Variants in TESPA1 observed in about 807,000 individuals in gnomAD.
The protein encoded by TESPA1 is thymocyte expressed, positive selection associated 1, also known as protein TESPA1.
A neutral mutation model predicts 57.9 loss-of-function variants in TESPA1; 33 were observed. That is an observed-to-expected ratio of 0.57 (90% CI 0.43 to 0.76). TESPA1 has a LOEUF of 0.76. Among genes scored for constraint, TESPA1 ranks in the 30% least tolerant of loss-of-function variants. TESPA1 has a pLI of 0.00. For missense variants in TESPA1, 618 were observed against 632.9 expected, an observed-to-expected ratio of 0.98 and a Z score of 0.25; for synonymous variants, 227 against 228.9, an observed-to-expected ratio of 0.99 and a Z score of 0.07.
At chr12:54,974,278 C>A (rs1046246407) in intron 2 of TESPA1, 122 bp downstream of exon 2, 15 of 810,102 alleles carry the variant, frequency 1.9e-5, no homozygotes, top group Non-Finnish European at 2.5e-5. Context: ...TTAAACCAGT[C>A]AAAACAGTCC....
rs761679056 is a variant in TESPA1 at position 54,973,467 on chromosome 12, C to A, written c.206+10G>T. 1 of 1,613,870 alleles carries A rather than the reference C, an allele frequency of 6.2e-7. No homozygotes were observed. Among genetic ancestry groups the A allele is most frequent in the Admixed American group, 1.7e-5 (1 of 60,002 alleles). ...GCCACATACCACCCCATTGCCTGTC[C>A]AGCACTTACCCGCAATCCTGCAGCC... On this transcript the variant is annotated intron_variant, in intron 3 of 10. Coordinates refer to ENST00000449076, the MANE Select transcript of TESPA1 (RefSeq NM_001136030.3).
rs1337724723 is a variant in TESPA1 at position 54,953,336 on chromosome 12, G to T, written c.*2-2946C>A. 2.6e-5 allele frequency among the ~76,000 whole-genome samples: 4 copies of T among 151,878 alleles called. No individual in the cohort carries two copies. The East Asian group carries it at 7.7e-4, about 29-fold the overall frequency. On this transcript the variant is annotated intron_variant, in intron 10 of 10. Coordinates refer to ENST00000449076, the MANE Select transcript of TESPA1 (RefSeq NM_001136030.3). ...CCAGCACATCCCCTTTCTCCCACTA[G>T]GCATAAGGTGTAGTTTCCATAAGAT...
In TESPA1 at chr12:54,950,144, A is replaced by T. The variant is rs1047039; in HGVS notation, c.*248T>A. 0.2 allele frequency: 77,364 copies of T among 394,136 alleles called. 13,645 individuals are homozygous for T. The highest frequency in any genetic ancestry group is 0.69 in the East Asian group (9,390 of 13,630). The allele number at this position is 394,136 out of a possible 1,614,324, so 24.4% of individuals were successfully genotyped here. On this transcript the variant is annotated 3_prime_UTR_variant, in exon 11 of 11. Coordinates refer to ENST00000449076, the MANE Select transcript of TESPA1 (RefSeq NM_001136030.3). The stretch of plus-strand genomic sequence containing the variant: ...GAAACCAGTGTACAGAGAAATGAAG[A>T]GATGTGCCTAAGGTCTTTGTGCATG...
At chr12:54,980,169 A>G (rs1952261114) in intron 1 of TESPA1, among the ~76,000 whole-genome samples, 1 of 152,224 alleles carries the variant, frequency 6.6e-6, no homozygotes, top group Admixed American at 6.5e-5. Flanking sequence ...ATTTTAGTAA[A>G]TTCTCCATTT....
rs529921837 is a variant in TESPA1, at chr12:54,959,807, A to G, written c.*1+1361T>C. ...GGTGGAGTGGCCGCTTCTAGCTCCT[A>G]ACATGCCAGACCAGCAACTGAAACC... On this transcript the variant is annotated intron_variant, in intron 10 of 10. Coordinates refer to ENST00000449076, the MANE Select transcript of TESPA1 (RefSeq NM_001136030.3). Among the ~76,000 whole-genome samples, 147 of 152,316 alleles carry G rather than the reference A, an allele frequency of 9.7e-4. 1 individual carries two copies. The highest frequency in any genetic ancestry group is 3.9e-4 in the East Asian group (2 of 5,192).
At position 54,974,500 on chromosome 12, in the gene TESPA1, G is replaced by A. The variant is rs769675638; in HGVS notation, c.63C>T (p.Ser21=). The change falls in exon 2 of 11, where the codon AGC becomes AGT. Residue 21 remains serine, a synonymous_variant. Transcript: ENST00000449076. ...WEKRRAWLRQ[S]RNWQTQVLEE... ...CTAGGACCTGGGTCTGCCAGTTACG[G>A]CTCTGACGGAGCCAGGCCCGCCGTT... 10 of 1,602,002 alleles carry A rather than the reference G, an allele frequency of 6.2e-6. No individual in the cohort carries two copies. Among genetic ancestry groups the A allele is most frequent in the Non-Finnish European group, 8.5e-6 (10 of 1,174,282 alleles).
At chr12:54,961,383 T>A in intron 9 of TESPA1, 116 bp from the exon 10 acceptor site, 1 of 1,081,636 alleles carries the variant, frequency 9.2e-7, no homozygotes, top group Non-Finnish European at 1.4e-6. Flanking sequence ...AGAGACAGCC[T>A]CTTCTGTGGT....
chr12:54,981,300 T>C (rs188898541), intron 1 of TESPA1, among the ~76,000 whole-genome samples: 2 of 151,918 alleles, frequency 1.3e-5, no homozygotes, highest in Admixed American at 1.3e-4. Context: ...AGGAAGAAGG[T>C]GAGAATTGCA....
In TESPA1 at chr12:54,948,908, T is replaced by C. The variant is rs752934866; in HGVS notation, c.*1484A>G. ...CCTTAAGAATATTTGCTTTAGAAAATTTGCTGTAGTTCTTTCTATTTCTTG... is the reference window on the plus strand; with the variant it reads ...CCTTAAGAATATTTGCTTTAGAAAACTTGCTGTAGTTCTTTCTATTTCTTG... On this transcript the variant is annotated 3_prime_UTR_variant, in exon 11 of 11. Coordinates refer to ENST00000449076, the MANE Select transcript of TESPA1 (RefSeq NM_001136030.3). The C allele has an allele frequency of 1.1e-4, 16 of 152,220 alleles. No individual in the cohort carries two copies. Among genetic ancestry groups the C allele is most frequent in the Non-Finnish European group, 1.6e-4 (11 of 68,046 alleles). The allele number at this position is 152,220 out of a possible 1,614,324, so 9.4% of individuals were successfully genotyped here.
chr12:54,954,074 G>T (rs954813764), intron 10 of TESPA1, among the ~76,000 whole-genome samples: 1 of 152,128 alleles, frequency 6.6e-6, no homozygotes, highest in Non-Finnish European at 1.5e-5. Flanking sequence ...TGAGAGTATT[G>T]GTACTTAGCA....
intron 1 of TESPA1, among the ~76,000 whole-genome samples, chr12:54,983,026 G>T (rs11171207): frequency 0.33 from 50,570 of 151,996 alleles, 10,612 homozygotes; most frequent in East Asian, 0.89. Context: ...GAGAACAGTT[G>T]TCAGTTTGCA....
intron 1 of TESPA1, among the ~76,000 whole-genome samples, 159 bp downstream of exon 1, chr12:54,984,426 T>A (rs1053969930): frequency 6.6e-6 from 1 of 152,210 alleles, no homozygotes; most frequent in Admixed American, 6.5e-5. Flanking sequence ...CTAGGCATAA[T>A]GATGGATGCT....
rs1324151336 is a variant in TESPA1, at chr12:54,950,088, A to G, written c.*304T>C. 6.7e-6 allele frequency: 2 copies of G among 298,928 alleles called. No homozygotes were observed. Among genetic ancestry groups the G allele is most frequent in the African/African-American group, 2.2e-5 (1 of 45,542 alleles). 18.5% of individuals were successfully genotyped at this position (298,928 alleles called of 1,614,324 possible). A position where few individuals can be genotyped will look rare whatever the true frequency, so the allele number is the denominator to read the frequency against. ...GGCTTTGTTCAGTTTACTATCATCC[A>G]CATTATATATTTTAATACACACATA... On this transcript the variant is annotated 3_prime_UTR_variant, in exon 11 of 11. Coordinates refer to ENST00000449076, the MANE Select transcript of TESPA1 (RefSeq NM_001136030.3).
At chr12:54,956,062 A>C (rs1950716346) in intron 10 of TESPA1, among the ~76,000 whole-genome samples, 1 of 152,250 alleles carries the variant, frequency 6.6e-6, no homozygotes, top group Non-Finnish European at 1.5e-5. Context: ...ACTGTCTGCT[A>C]TGTAGTAATC....
intron 10 of TESPA1, among the ~76,000 whole-genome samples, chr12:54,955,732 ACTTT>A (rs1381900116): frequency 1.3e-5 from 2 of 152,224 alleles, no homozygotes; most frequent in African/African-American, 4.8e-5. Flanking sequence ...CAAAAATAAA[ACTTT>A]CTTTCTTTTA....
intron 10 of TESPA1, among the ~76,000 whole-genome samples, chr12:54,951,477 C>T (rs1565813959): frequency 1.3e-5 from 2 of 152,198 alleles, no homozygotes; most frequent in African/African-American, 4.8e-5. Context: ...TAGCCTTTCC[C>T]ATTCTATTGA....
intron 1 of TESPA1, among the ~76,000 whole-genome samples, chr12:54,980,110 C>A: frequency 6.6e-6 from 1 of 151,742 alleles, no homozygotes; most frequent in Non-Finnish European, 1.5e-5. Context: ...AGAAAATGGC[C>A]CAATGTCACC....
intron 4 of TESPA1, 137 bp from the exon 5 acceptor site, chr12:54,967,373 C>T: frequency 1.1e-6 from 1 of 935,420 alleles, no homozygotes; most frequent in Non-Finnish European, 1.6e-6. Context: ...TACTAGATAC[C>T]CACGTTTGTC....
At chr12:54,952,053 CAA>C (rs1950434164) in intron 10 of TESPA1, among the ~76,000 whole-genome samples, 1 of 152,068 alleles carries the variant, frequency 6.6e-6, no homozygotes, top group South Asian at 2.1e-4. Flanking sequence ...GTGATAGTAT[CAA>C]GAGGTGAGGT....
Sources: allele counts gnomAD v4.1 joint callset (sites outside exome capture counted in the v4.1 genomes callset), GRCh38; gene constraint gnomAD v4.1.1; transcripts MANE v1.5; gene names NCBI Gene and HGNC (gene_info 2026-07-23, HGNC 2026-07-21).